Variants in UBE3C observed in about 807,000 individuals in gnomAD.
The protein encoded by UBE3C is ubiquitin protein ligase E3C, also known as ubiquitin-protein ligase E3C.
A neutral mutation model predicts 129.4 loss-of-function variants in UBE3C; 42 were observed. The observed-to-expected ratio is 0.32, with a 90% confidence interval of 0.25 to 0.42. The LOEUF is 0.42. Ranked by LOEUF, UBE3C falls within the 10% of genes least tolerant of loss-of-function variation. The pLI is 1.00. For synonymous variants in UBE3C, 510 were observed against 492.4 expected (o/e 1.04, Z -0.47); for missense variants, 1,049 against 1,319.1 (o/e 0.80, Z 3.17).
At chr7:157,152,502 T>G (rs1191711729) in intron 1 of UBE3C, among the ~76,000 whole-genome samples, 1 of 152,202 alleles carries the variant, frequency 6.6e-6, no homozygotes, top group Non-Finnish European at 1.5e-5. Flanking sequence ...AGGATGTTTG[T>G]GTTTCTCTCC....
At position 157,249,380 on chromosome 7, in the gene UBE3C, A is replaced by G. The variant is rs1208629162; in HGVS notation, c.2694+800A>G. Among the ~76,000 whole-genome samples the G allele has an allele frequency of 3.9e-5, 6 of 151,960 alleles. No individual in the cohort carries two copies. The South Asian group carries it at 1.0e-3, about 26-fold the overall frequency. On this transcript the variant is annotated intron_variant, in intron 19 of 22. Coordinates refer to ENST00000348165, the MANE Select transcript of UBE3C (RefSeq NM_014671.3). ...GCCCAGGCTGGAGTGCAGTGGCGCA[A>G]TCTCGGCTCACCACAACCTCCACCT...
intron 18 of UBE3C, among the ~76,000 whole-genome samples, chr7:157,246,994 G>A (rs1353508986): frequency 3.3e-5 from 5 of 152,172 alleles, no homozygotes; most frequent in Non-Finnish European, 5.9e-5. Flanking sequence ...GGGTTCAAGC[G>A]ATTCTCCTGC....
intron 1 of UBE3C, among the ~76,000 whole-genome samples, chr7:157,139,622 G>A (rs1277462688): frequency 6.6e-6 from 1 of 152,238 alleles, no homozygotes; most frequent in Non-Finnish European, 1.5e-5. Flanking sequence ...CGCCCGTGGG[G>A]GCCTTGCCTG....
In UBE3C at chr7:157,208,038, T is replaced by C. The variant is rs1438847659; in HGVS notation, c.1809+103T>C. ...TAAAAATGCAGGTTTGTTTCAGACA[T>C]GTTTTAATTTGCAAGACTTTTTTTT... On this transcript the variant is annotated intron_variant, in intron 13 of 22. Transcript: ENST00000348165. 9.1e-4 allele frequency: 415 copies of C among 455,674 alleles called. 3 individuals are homozygous for C. Among genetic ancestry groups the C allele is most frequent in the Non-Finnish European group, 7.7e-5 (22 of 285,930 alleles). 28.2% of individuals were successfully genotyped at this position (455,674 alleles called of 1,614,324 possible).
intron 18 of UBE3C, among the ~76,000 whole-genome samples, chr7:157,244,895 G>A (rs1679027019): frequency 1.3e-5 from 2 of 152,014 alleles, no homozygotes; most frequent in African/African-American, 2.4e-5. Flanking sequence ...TATGCTTCTA[G>A]GAACAAGCGT....
chr7:157,173,344 C>G (rs78149092), intron 4 of UBE3C, among the ~76,000 whole-genome samples: 1,938 of 152,272 alleles, frequency 0.013, 43 homozygotes, highest in African/African-American at 0.045. Context: ...CGACTGCACT[C>G]CAGCCTGGGC....
intron 2 of UBE3C, chr7:157,164,539 A>G: frequency 2.3e-6 from 1 of 438,828 alleles, no homozygotes; most frequent in Non-Finnish European, 4.6e-6. Context: ...AGGTAAAAGA[A>G]AGACACTAAT....
chr7:157,266,384 G>T (rs1453322803), intron 22 of UBE3C, among the ~76,000 whole-genome samples: 1 of 152,174 alleles, frequency 6.6e-6, no homozygotes. Context: ...ACTGATAGAG[G>T]TCTCATCAGA....
intron 22 of UBE3C, among the ~76,000 whole-genome samples, chr7:157,260,372 G>T (rs1476389425): frequency 1.3e-5 from 2 of 152,182 alleles, no homozygotes; most frequent in African/African-American, 4.8e-5. Flanking sequence ...TTAGTGGCAC[G>T]TCCAGGTTCG....
In UBE3C at chr7:157,170,291, G is replaced by C; in HGVS notation, c.196-13G>C. On this transcript the variant is annotated splice_polypyrimidine_tract_variant and intron_variant, in intron 3 of 22. Coordinates refer to ENST00000348165, the MANE Select transcript of UBE3C (RefSeq NM_014671.3). ...CTATATTTATGGGTCATTTTGTTTT[G>C]TTTTTCTTCCAGTATTCCATCCAAA... 6.8e-7 allele frequency: 1 copy of C among 1,466,410 alleles called. No homozygotes were observed. Among genetic ancestry groups the C allele is most frequent in the Non-Finnish European group, 9.0e-7 (1 of 1,107,646 alleles). 90.8% of individuals were successfully genotyped at this position (1,466,410 alleles called of 1,614,324 possible).
chr7:157,263,492 C>T (rs1045262609), intron 22 of UBE3C, among the ~76,000 whole-genome samples: 4 of 152,094 alleles, frequency 2.6e-5, no homozygotes, highest in African/African-American at 9.7e-5. Flanking sequence ...GGCGAAACCC[C>T]ATCTCTACTA....
intron 4 of UBE3C, 123 bp from the exon 5 acceptor site, chr7:157,174,796 C>T (rs1447566222): frequency 1.2e-5 from 8 of 655,162 alleles, no homozygotes; most frequent in South Asian, 4.9e-5. Context: ...TACTTCTTAA[C>T]CATCTTTTGA....
chr7:157,225,658 G>C (rs1398409150), intron 17 of UBE3C, 119 bp downstream of exon 17: 1 of 1,189,010 alleles, frequency 8.4e-7, no homozygotes, highest in East Asian at 2.8e-5. Flanking sequence ...CTTAAAAACT[G>C]AAATGTGAGG....
At chr7:157,261,378 A>G (rs1042260598) in intron 22 of UBE3C, among the ~76,000 whole-genome samples, 1 of 151,296 alleles carries the variant, frequency 6.6e-6, no homozygotes, top group Non-Finnish European at 1.5e-5. Flanking sequence ...ACCCCAGTCA[A>G]GACCCCGCAC....
intron 1 of UBE3C, among the ~76,000 whole-genome samples, chr7:157,143,883 T>A (rs2116786200): frequency 6.6e-6 from 1 of 152,254 alleles, no homozygotes; most frequent in African/African-American, 2.4e-5. Flanking sequence ...CGTGAGGTAC[T>A]GCAACATTTA....
intron 1 of UBE3C, among the ~76,000 whole-genome samples, chr7:157,156,393 A>T (rs1341203620): frequency 1.5e-5 from 2 of 130,072 alleles, no homozygotes; most frequent in African/African-American, 6.0e-5. Context: ...TGCAGCCTCC[A>T]CCTCCCAGGT....
intron 22 of UBE3C, among the ~76,000 whole-genome samples, chr7:157,263,481 T>C (rs1271204895): frequency 1.3e-5 from 2 of 152,142 alleles, no homozygotes; most frequent in African/African-American, 4.8e-5. Context: ...CTGGCCAACA[T>C]GGCGAAACCC....
intron 6 of UBE3C, among the ~76,000 whole-genome samples, chr7:157,180,076 T>C (rs1172224551): frequency 1.3e-5 from 2 of 152,214 alleles, no homozygotes; most frequent in Non-Finnish European, 2.9e-5. Context: ...TTGAAATGTG[T>C]CCCAATATAC....
At chr7:157,162,965 A>G (rs1189956005) in intron 1 of UBE3C, among the ~76,000 whole-genome samples, 2 of 151,030 alleles carry the variant, frequency 1.3e-5, no homozygotes, top group African/African-American at 4.8e-5. Flanking sequence ...ACTTCCTTCT[A>G]CAAACCAAGT....
Sources: allele counts gnomAD v4.1 joint callset (sites outside exome capture counted in the v4.1 genomes callset), GRCh38; gene constraint gnomAD v4.1.1; transcripts MANE v1.5; gene names NCBI Gene and HGNC (gene_info 2026-07-23, HGNC 2026-07-21).